KAZN: variants seen among roughly 807,000 people sequenced by gnomAD.
KAZN encodes the protein kazrin, periplakin interacting protein, also known as kazrin.
A neutral mutation model predicts 87.4 loss-of-function variants in KAZN; 40 were observed. That is an observed-to-expected ratio of 0.46 (90% CI 0.36 to 0.60). The LOEUF is 0.60. Ranked by LOEUF, KAZN falls within the 20% of genes least tolerant of loss-of-function variation. The pLI, the probability that KAZN is intolerant of heterozygous loss-of-function variation, is 0.00. For synonymous variants in KAZN, 466 were observed against 458.3 expected (o/e 1.02, Z -0.22); for missense variants, 898 against 1,073.9 (o/e 0.84, Z 2.29).
Position 15,081,011 on chromosome 1 carries a change from A to C in KAZN, c.1223-13169A>C, listed in dbSNP as rs1360065397. ...AGTTCAGAGGCCTTGCCGTAGGCAGAGGGACAAGAGAATGGTAGCATCTAC... is the reference window on the plus strand; with the variant it reads ...AGTTCAGAGGCCTTGCCGTAGGCAGCGGGACAAGAGAATGGTAGCATCTAC... On this transcript the variant is annotated intron_variant, in intron 8 of 14. Transcript: ENST00000376030. The surrounding 1 kb of genome is among the most constrained non-coding windows in gnomAD (Gnocchi z 4.1). 6.6e-6 allele frequency among the ~76,000 whole-genome samples: 1 copy of C among 152,262 alleles called. No homozygotes were observed. The highest frequency in any genetic ancestry group is 1.5e-5 in the Non-Finnish European group (1 of 68,042).
intron 4 of KAZN, among the ~76,000 whole-genome samples, chr1:15,046,643 G>A (rs967040681): frequency 1.3e-5 from 2 of 152,202 alleles, no homozygotes; most frequent in South Asian, 2.1e-4. Flanking sequence ...GGTTTACTAA[G>A]GGCCAGGCCC....
At chr1:13,902,572 G>A (rs1639288821) in intron 1 of KAZN, among the ~76,000 whole-genome samples, 1 of 152,210 alleles carries the variant, frequency 6.6e-6, no homozygotes, top group Non-Finnish European at 1.5e-5. Flanking sequence ...GGAATAAAAA[G>A]AGGCTGATGA....
At chr1:14,203,343 G>A (rs1041978430) in intron 2 of KAZN, among the ~76,000 whole-genome samples, 6 of 152,094 alleles carry the variant, frequency 3.9e-5, no homozygotes, top group Non-Finnish European at 7.3e-5. Context: ...AACCTAAGTC[G>A]TAAGCCCTTT....
intron 2 of KAZN, among the ~76,000 whole-genome samples, chr1:14,399,961 CAGTA>C (rs1424581865): frequency 6.6e-6 from 1 of 152,000 alleles, no homozygotes; most frequent in East Asian, 1.9e-4. Flanking sequence ...ATCAAGCTCT[CAGTA>C]AGTAATTGGT....
intron 2 of KAZN, among the ~76,000 whole-genome samples, chr1:14,393,513 T>A (rs1328828): frequency 0.29 from 44,187 of 151,868 alleles, 7,177 homozygotes; most frequent in African/African-American, 0.43. Context: ...CCTTCAAATA[T>A]CAAGGAAATA....
rs184670466 is a variant in KAZN, at chr1:15,042,038, C to A, written c.556-1951C>A. Among the ~76,000 whole-genome samples, 1,010 of 152,324 alleles carry A rather than the reference C, an allele frequency of 6.6e-3. 7 individuals are homozygous for A. The highest frequency in any genetic ancestry group is 0.01 in the Non-Finnish European group (704 of 68,038). ...CTGCTGAGCCCAGCTCTCCTGCTGC[C>A]GCGGAATATGACCCCAAGAAGGTGG... On this transcript the variant is annotated intron_variant, in intron 3 of 14. Transcript: ENST00000376030.
intron 2 of KAZN, among the ~76,000 whole-genome samples, chr1:14,325,541 G>A (rs1435024330): frequency 6.6e-6 from 1 of 151,878 alleles, no homozygotes; most frequent in Non-Finnish European, 1.5e-5. Flanking sequence ...AAAAGTAGGA[G>A]AGAGAGAAAA....
In KAZN at chr1:15,094,215, C is replaced by T; in HGVS notation, c.1258C>T (p.Leu420Phe). 1 of 1,613,792 alleles carries T rather than the reference C, an allele frequency of 6.2e-7. No homozygotes were observed. Among genetic ancestry groups the T allele is most frequent in the Non-Finnish European group, 8.5e-7 (1 of 1,179,888 alleles). Residue 420 changes from leucine to phenylalanine, a missense_variant, in exon 9 of 15, where the codon CTC (leucine) becomes TTC (phenylalanine). By Grantham distance (22) the Leu-to-Phe change is conservative. Transcript: ENST00000376030. This position sits in a 1 kb window ranked among gnomAD's most constrained non-coding sequence, Gnocchi z 4.5. Reference protein sequence around the residue: ...DSQCSPTRQSLSLSEGEEQMD... With the variant: ...DSQCSPTRQSFSLSEGEEQMD... ...CCAGTGCAGCCCCACGCGGCAGAGC[C>T]TCAGCCTGTCGGAAGGCGAGGAGCA...
intron 2 of KAZN, among the ~76,000 whole-genome samples, chr1:14,404,940 T>C (rs1484103836): frequency 6.6e-6 from 1 of 152,180 alleles, no homozygotes; most frequent in Non-Finnish European, 1.5e-5. Context: ...GAAGAGCAAA[T>C]GTTCACCATC....
chr1:14,985,572 A>G (rs1328384134), intron 2 of KAZN, among the ~76,000 whole-genome samples: 1 of 151,972 alleles, frequency 6.6e-6, no homozygotes, highest in Non-Finnish European at 1.5e-5. Flanking sequence ...TGAAAGAATG[A>G]GAAGGCGTTA....
chr1:14,958,812 G>A (rs1663490617), intron 1 of KAZN, among the ~76,000 whole-genome samples: 1 of 152,156 alleles, frequency 6.6e-6, no homozygotes, highest in Non-Finnish European at 1.5e-5. Flanking sequence ...CTGTGATCTG[G>A]AATGGAGGGA....
intron 8 of KAZN, among the ~76,000 whole-genome samples, chr1:15,083,271 AGG>A (rs569124800): frequency 2.0e-5 from 3 of 152,148 alleles, no homozygotes; most frequent in Non-Finnish European, 4.4e-5. Flanking sequence ...GGCTAGGTGG[AGG>A]GGGGACTGTT....
At chr1:15,050,765 G>A (rs989610360) in intron 4 of KAZN, among the ~76,000 whole-genome samples, 12 of 152,048 alleles carry the variant, frequency 7.9e-5, no homozygotes, top group African/African-American at 1.9e-4. Flanking sequence ...GCCCAATCCC[G>A]AGCCCACCTG....
chr1:14,072,684 T>A (rs192080703), intron 1 of KAZN, among the ~76,000 whole-genome samples: 6 of 152,172 alleles, frequency 3.9e-5, no homozygotes, highest in Non-Finnish European at 5.9e-5. Context: ...TGACCTAGGT[T>A]TGAGTCCTAG....
At chr1:15,051,532 C>T (rs972484145) in intron 4 of KAZN, among the ~76,000 whole-genome samples, 1 of 152,246 alleles carries the variant, frequency 6.6e-6, no homozygotes, top group Non-Finnish European at 1.5e-5. Context: ...AATAGAGACT[C>T]TTTAATAACA....
chr1:14,139,947 GTGTGTGTGTGTGTGTGTGTGTGGTATGTA>G (rs1246307450), intron 1 of KAZN, among the ~76,000 whole-genome samples: 1 of 53,108 alleles, frequency 1.9e-5, no homozygotes, highest in Non-Finnish European at 3.1e-5. Context: ...GTGTGTGTGT[GTGTGTGTGTGTGTGTGTGTGTGGTATGTA>G]TGTGTGTGTG....
At chr1:14,939,717 C>T (rs940393) in intron 1 of KAZN, among the ~76,000 whole-genome samples, 5,212 of 152,216 alleles carry the variant, frequency 0.034, 280 homozygotes, top group African/African-American at 0.11. Flanking sequence ...TATTGAGAGC[C>T]GTGACAGTGA....
In KAZN at chr1:14,976,088, G is replaced by A. The variant is rs571970567; in HGVS notation, c.418+15213G>A. Among the ~76,000 whole-genome samples the A allele has an allele frequency of 1.1e-4, 15 of 131,840 alleles. No individual in the cohort carries two copies. The South Asian group carries it at 3.2e-3, about 28-fold the overall frequency. The allele number at this position is 131,840 out of a possible 152,430, so 86.5% of individuals were successfully genotyped here. On this transcript the variant is annotated intron_variant, in intron 2 of 14. Coordinates refer to ENST00000376030, the MANE Select transcript of KAZN (RefSeq NM_201628.3). ...GTACACTCAGCTCTCAGACCTGCGC[G>A]GTGAGCCCGCACACTGCACAGCCGC...
At chr1:14,828,655 GT>G (rs1646967728) in intron 1 of KAZN, among the ~76,000 whole-genome samples, 1 of 152,110 alleles carries the variant, frequency 6.6e-6, no homozygotes, top group Admixed American at 6.5e-5. Context: ...TTAGCTGAAG[GT>G]TACAGAAACC....
Sources: allele counts gnomAD v4.1 joint callset (sites outside exome capture counted in the v4.1 genomes callset), GRCh38; gene constraint gnomAD v4.1.1; non-coding constraint Gnocchi (gnomAD v3.1); transcripts MANE v1.5; gene names NCBI Gene and HGNC (gene_info 2026-07-23, HGNC 2026-07-21).